Variants in FAM227A observed in about 807,000 individuals in gnomAD.
FAM227A encodes protein FAM227A.
Under a neutral mutation model 74.7 loss-of-function variants are expected in FAM227A, and 80 were observed. The observed-to-expected ratio is 1.07, with a 90% CI of 0.89 to 1.29. The LOEUF is 1.29. FAM227A is among the 50% of genes most tolerant of loss of function. The pLI, the probability that FAM227A is intolerant of heterozygous loss-of-function variation, is 0.00. For missense variants in FAM227A, 654 were observed against 683.4 expected, an observed-to-expected ratio of 0.96 and a Z score of 0.48; for synonymous variants, 237 against 241.8, an observed-to-expected ratio of 0.98 and a Z score of 0.19.
At chr22:38,610,437 G>A (rs905109623) in intron 11 of FAM227A, among the ~76,000 whole-genome samples, 3 of 152,196 alleles carry the variant, frequency 2.0e-5, no homozygotes, top group Admixed American at 6.5e-5. Flanking sequence ...TTGCTGGAGA[G>A]GCAGCTTGCT....
In FAM227A at chr22:38,623,226, G is replaced by T; in HGVS notation, c.904C>A (p.Pro302Thr). ...AATTCTTCTCTGCGGAATCGCTCTG[G>T]GTCTAGTTCCGAGTAGTCCCAGCTG... ...YDSWDYSELD[P>T]ERFRREELML... Residue 302 changes from proline (P) to threonine (T), a missense_variant, in exon 10 of 17, where the codon CCA (proline) becomes ACA (threonine). Transcript: ENST00000535113. 6.4e-7 allele frequency: 1 copy of T among 1,551,604 alleles called. No individual in the cohort carries two copies.
intron 6 of FAM227A, among the ~76,000 whole-genome samples, chr22:38,629,741 G>A (rs1395608697): frequency 2.3e-5 from 1 of 43,120 alleles, no homozygotes; most frequent in Non-Finnish European, 4.4e-5. Context: ...ATCAGGAAGC[G>A]TGCCTCTTCT....
chr22:38,640,389 T>C (rs2092090056), intron 3 of FAM227A, among the ~76,000 whole-genome samples: 2 of 152,118 alleles, frequency 1.3e-5, no homozygotes, highest in African/African-American at 4.8e-5. Flanking sequence ...TTTAAAACAC[T>C]GGCAAAGAGG....
chr22:38,651,323 C>A (rs2092318332), intron 1 of FAM227A, among the ~76,000 whole-genome samples: 1 of 152,186 alleles, frequency 6.6e-6, no homozygotes, highest in Non-Finnish European at 1.5e-5. Flanking sequence ...CTCCACTAGG[C>A]AAATTATGGA....
chr22:38,639,755 G>T (rs140977604), intron 3 of FAM227A, 31 bp from the exon 4 acceptor site: 2 of 1,409,950 alleles, frequency 1.4e-6, no homozygotes, highest in Non-Finnish European at 2.0e-6. Flanking sequence ...GGGGGCATTA[G>T]GGATTAATGC....
In FAM227A at chr22:38,585,703, C is replaced by A. The variant is rs1206897528; in HGVS notation, c.*422G>T. 9.4e-6 allele frequency: 2 copies of A among 213,096 alleles called. No homozygotes were observed. Among genetic ancestry groups the A allele is most frequent in the Non-Finnish European group, 9.5e-6 (1 of 104,834 alleles). The allele number at this position is 213,096 out of a possible 1,614,324, so 13.2% of individuals were successfully genotyped here. On this transcript the variant is annotated 3_prime_UTR_variant, in exon 17 of 17. Coordinates refer to ENST00000535113, the MANE Select transcript of FAM227A (RefSeq NM_001013647.2). The stretch of plus-strand genomic sequence containing the variant: ...TACCAGATGGTGACTCCCTTGAGAA[C>A]AGGGACTGTGTCTTATCTACTGTTA...
chr22:38,625,272 C>T (rs549567686), intron 9 of FAM227A, among the ~76,000 whole-genome samples: 102 of 151,942 alleles, frequency 6.7e-4, no homozygotes, highest in Non-Finnish European at 1.3e-3. Flanking sequence ...ACCTATAGTC[C>T]CAGCTACTCG....
chr22:38,632,913 C>A (rs1227261283), intron 6 of FAM227A, among the ~76,000 whole-genome samples: 1 of 152,170 alleles, frequency 6.6e-6, no homozygotes. Context: ...CAGGCCACAG[C>A]TGGATGAAGA....
At chr22:38,606,336 T>A (rs149523220) in intron 12 of FAM227A, among the ~76,000 whole-genome samples, 5 of 152,234 alleles carry the variant, frequency 3.3e-5, no homozygotes, top group Non-Finnish European at 4.4e-5. Flanking sequence ...CCAGCTAATT[T>A]AAAAATTTTT....
At chr22:38,644,981 C>T (rs1008521983) in intron 3 of FAM227A, among the ~76,000 whole-genome samples, 11 of 151,790 alleles carry the variant, frequency 7.2e-5, no homozygotes, top group East Asian at 1.9e-4. Context: ...CCCAGCTACT[C>T]GGGAGGCTGA....
intron 13 of FAM227A, among the ~76,000 whole-genome samples, chr22:38,604,482 A>C (rs1217682883): frequency 6.6e-6 from 1 of 152,082 alleles, no homozygotes; most frequent in African/African-American, 2.4e-5. Flanking sequence ...CTATTGATAT[A>C]AACTACCATC....
chr22:38,590,931 C>T (rs765768498), intron 16 of FAM227A, among the ~76,000 whole-genome samples: 7 of 152,044 alleles, frequency 4.6e-5, no homozygotes, highest in Non-Finnish European at 7.4e-5. Flanking sequence ...ATTACAGGCA[C>T]GTACTGCCAT....
intron 8 of FAM227A, among the ~76,000 whole-genome samples, chr22:38,626,540 T>G (rs1050414300): frequency 6.6e-6 from 1 of 151,810 alleles, no homozygotes; most frequent in Non-Finnish European, 1.5e-5. Context: ...CCACTGCACT[T>G]GGCTATACTC....
chr22:38,639,217 C>T (rs917840032), intron 4 of FAM227A, among the ~76,000 whole-genome samples: 1 of 152,042 alleles, frequency 6.6e-6, no homozygotes, highest in African/African-American at 2.4e-5. Flanking sequence ...CAAGAACAGC[C>T]TGGCCAACAT....
intron 11 of FAM227A, among the ~76,000 whole-genome samples, chr22:38,613,664 A>G (rs962613852): frequency 6.6e-6 from 1 of 151,178 alleles, no homozygotes; most frequent in Non-Finnish European, 1.5e-5. Flanking sequence ...CATTTTTCCT[A>G]ATCTCCAGCT....
At chr22:38,598,957 CTTTTT>C (rs71197121) in intron 14 of FAM227A, among the ~76,000 whole-genome samples, 1 of 136,272 alleles carries the variant, frequency 7.3e-6, no homozygotes, top group Admixed American at 7.5e-5. Context: ...TGTTTTCTTT[CTTTTT>C]TTTTTTTTTT....
rs1266473068 is a variant in FAM227A, at chr22:38,621,037, G to GA, written c.959-747dup. Among the ~76,000 whole-genome samples the GA allele has an allele frequency of 2.0e-5, 3 of 150,020 alleles. No homozygotes were observed. In the Admixed American group the frequency reaches 2.0e-4, roughly 10 times the overall value. On this transcript the variant is annotated intron_variant, in intron 10 of 16. Coordinates refer to ENST00000535113, the MANE Select transcript of FAM227A (RefSeq NM_001013647.2). ...TATGGGTTAGGTTTTTCTTCACTTT[G>GA]AAAAAACTCCCTGAGTCGGCCGGGC...
In FAM227A at chr22:38,656,102, T is replaced by G. The variant is rs2145770330; in HGVS notation, c.-95+18A>C. 1 of 152,356 alleles carries G rather than the reference T, an allele frequency of 6.6e-6. No homozygotes were observed. The highest frequency in any genetic ancestry group is 2.1e-4 in the South Asian group (1 of 4,828). The allele number at this position is 152,356 out of a possible 1,614,324, so 9.4% of individuals were successfully genotyped here. ...GCTGCCAGAGGTGGGTCATGGTGCG[T>G]CTGTCCGTCCGTCTTACCTGAAAGC... On this transcript the variant is annotated intron_variant, in intron 1 of 16. Coordinates refer to ENST00000535113, the MANE Select transcript of FAM227A (RefSeq NM_001013647.2).
intron 13 of FAM227A, among the ~76,000 whole-genome samples, chr22:38,602,994 C>T (rs932915923): frequency 1.3e-5 from 2 of 152,172 alleles, no homozygotes; most frequent in Non-Finnish European, 2.9e-5. Flanking sequence ...CTGCCTCAGC[C>T]TCCCGAGTAG....
Sources: allele counts gnomAD v4.1 joint callset (sites outside exome capture counted in the v4.1 genomes callset), GRCh38; gene constraint gnomAD v4.1.1; transcripts MANE v1.5; gene names NCBI Gene and HGNC (gene_info 2026-07-23, HGNC 2026-07-21).